The following TUSC3 variants were observed in gnomAD, a reference collection of about 807,000 sequenced individuals.
TUSC3 encodes tumor suppressor candidate 3, also known as dolichyl-diphosphooligosaccharide--protein glycosyltransferase subunit TUSC3.
TUSC3 carries 45 observed loss-of-function variants against 44.8 expected under a neutral mutation model. The ratio of observed to expected loss-of-function variants is 1.00; its 90% CI spans 0.79 to 1.29. The LOEUF is 1.29. TUSC3 is among the 50% of genes most tolerant of loss of function. TUSC3 has a pLI of 0.00. For synonymous variants in TUSC3, 212 were observed against 152.9 expected (o/e 1.39, Z -2.85); for missense variants, 519 against 437.9 (o/e 1.19, Z -1.65).
the TUSC3 span, chr8:15,806,509 G>T: frequency 4.4e-6 from 5 of 1,124,090 alleles, no homozygotes; most frequent in Non-Finnish European, 6.8e-6. Flanking sequence ...CTTTCTCAGG[G>T]TCATCAGTGA....
intron 3 of TUSC3, among the ~76,000 whole-genome samples, chr8:15,656,658 A>C (rs890003701): frequency 6.7e-6 from 1 of 149,564 alleles, no homozygotes; most frequent in African/African-American, 2.5e-5. Flanking sequence ...AGCCCACGCA[A>C]CAGCTCTCCC....
chr8:15,611,155 G>C lies in TUSC3; in HGVS notation c.139-11925G>C, dbSNP rs183619015. On this transcript the variant is annotated intron_variant, in intron 1 of 10. Transcript: ENST00000503731. ...CTTTCTTTAATTTTTATAGTGTTCT[G>C]TATCAAATATTTCAAAGAACTTTTT... Among the ~76,000 whole-genome samples the C allele has an allele frequency of 1.4e-3, 220 of 152,232 alleles. 1 individual carries two copies. Among genetic ancestry groups the C allele is most frequent in the African/African-American group, 4.9e-3 (205 of 41,548 alleles).
chr8:15,553,730 A>G lies in TUSC3; in HGVS notation c.138+13162A>G, dbSNP rs1211861935. 1.3e-5 allele frequency among the ~76,000 whole-genome samples: 2 copies of G among 151,754 alleles called. 1 individual carries two copies. Among genetic ancestry groups the G allele is most frequent in the Non-Finnish European group, 2.9e-5 (2 of 67,896 alleles). ...GGCAGCCAACACTTCTTCTCAAACA[A>G]TTTGCTGTGAATGGGAAGAGAGAGT... On this transcript the variant is annotated intron_variant, in intron 1 of 10. Transcript: ENST00000503731.
At chr8:15,821,106 T>C in the TUSC3 span, among the ~76,000 whole-genome samples, 1 of 152,298 alleles carries the variant, frequency 6.6e-6, no homozygotes, top group South Asian at 2.1e-4. Context: ...TAGTTTTCCC[T>C]CATCTTAAAA....
intron 1 of TUSC3, among the ~76,000 whole-genome samples, chr8:15,440,220 G>A (rs1477532136): frequency 6.6e-6 from 1 of 152,174 alleles, no homozygotes; most frequent in African/African-American, 2.4e-5. Context: ...CCAAAGAGAG[G>A]AGTAGAGCTG....
At chr8:15,700,500 A>G (rs886091032) in intron 6 of TUSC3, among the ~76,000 whole-genome samples, 5 of 152,156 alleles carry the variant, frequency 3.3e-5, no homozygotes, top group African/African-American at 1.2e-4. Context: ...GAAAAAAATT[A>G]AATTTCTTCA....
chr8:15,504,004 A>G (rs1585068424), intron 2 of TUSC3, among the ~76,000 whole-genome samples: 3 of 121,266 alleles, frequency 2.5e-5, no homozygotes, highest in East Asian at 4.6e-4. Flanking sequence ...ACAGAGTGAG[A>G]CTCTGTCTCA....
chr8:15,493,111 G>C (rs1313701175), intron 2 of TUSC3, among the ~76,000 whole-genome samples: 1 of 152,132 alleles, frequency 6.6e-6, no homozygotes, highest in Non-Finnish European at 1.5e-5. Context: ...CTGCAAGGTA[G>C]ATATTATTAA....
chr8:15,777,233 C>T, the TUSC3 span, among the ~76,000 whole-genome samples: 1 of 152,012 alleles, frequency 6.6e-6, no homozygotes, highest in African/African-American at 2.4e-5. Flanking sequence ...CAAAGCATAC[C>T]AATGAAAATT....
intron 2 of TUSC3, among the ~76,000 whole-genome samples, chr8:15,631,876 T>C (rs755131152): frequency 8.6e-5 from 13 of 151,936 alleles, no homozygotes; most frequent in Non-Finnish European, 1.9e-4. Flanking sequence ...TGGCTAAATT[T>C]TTTTGTATTT....
rs1585317952 is a variant in TUSC3, at chr8:15,765,908, A to T, written c.*1752A>T. 1 of 152,210 alleles carries T rather than the reference A, an allele frequency of 6.6e-6. No individual in the cohort carries two copies. Among genetic ancestry groups the T allele is most frequent in the Non-Finnish European group, 1.5e-5 (1 of 67,954 alleles). The allele number at this position is 152,210 out of a possible 1,614,324, so 9.4% of individuals were successfully genotyped here. ...AAGTATTAAACATTTGTTAATTATA[A>T]TCACTTTTGTTTGTATCCTTAAATC... On this transcript the variant is annotated 3_prime_UTR_variant, in exon 11 of 11. Coordinates refer to ENST00000503731, the MANE Select transcript of TUSC3 (RefSeq NM_006765.4).
At position 15,739,809 on chromosome 8, in the gene TUSC3, C is replaced by G. The variant is rs541595274; in HGVS notation, c.863-3729C>G. On this transcript the variant is annotated intron_variant, in intron 7 of 10. Coordinates refer to ENST00000503731, the MANE Select transcript of TUSC3 (RefSeq NM_006765.4). ...TGCTTGTTATCATTTTCATCTAATC[C>G]TGATATCATCTTACTTCATTACTTT... Among the ~76,000 whole-genome samples the G allele has an allele frequency of 3.4e-4, 52 of 152,266 alleles. No homozygotes were observed. In the Middle Eastern group the frequency reaches 0.01, roughly 30 times the overall value.
the TUSC3 span, among the ~76,000 whole-genome samples, chr8:15,850,159 A>C: frequency 6.6e-6 from 1 of 151,410 alleles, no homozygotes; most frequent in Non-Finnish European, 1.5e-5. Context: ...AACTCTCTGA[A>C]ATGTCCAGTA....
intron 1 of TUSC3, among the ~76,000 whole-genome samples, chr8:15,559,839 T>C (rs1802397287): frequency 1.0e-5 from 1 of 99,486 alleles, no homozygotes; most frequent in Non-Finnish European, 2.0e-5. Flanking sequence ...TGCCTTTTTT[T>C]GTTTTCCATT....
At chr8:15,785,718 C>T in the TUSC3 span, among the ~76,000 whole-genome samples, 5 of 152,042 alleles carry the variant, frequency 3.3e-5, no homozygotes, top group Non-Finnish European at 5.9e-5. Context: ...ATGGGCCTCA[C>T]GTGGAGCTCT....
intron 5 of TUSC3, among the ~76,000 whole-genome samples, chr8:15,669,457 A>G (rs1190505662): frequency 4.6e-5 from 7 of 151,826 alleles, no homozygotes; most frequent in Non-Finnish European, 1.0e-4. Flanking sequence ...CTGATAGGCC[A>G]GTCTTTCTCA....
At chr8:15,612,187 A>ACTG (rs1804792387) in intron 1 of TUSC3, among the ~76,000 whole-genome samples, 1 of 152,172 alleles carries the variant, frequency 6.6e-6, no homozygotes, top group African/African-American at 2.4e-5. Context: ...TGCTATTCAG[A>ACTG]TAGCAGGTAC....
At chr8:15,584,421 C>A (rs762306411) in intron 1 of TUSC3, among the ~76,000 whole-genome samples, 40 of 152,128 alleles carry the variant, frequency 2.6e-4, no homozygotes, top group Non-Finnish European at 5.3e-4. Context: ...ATTGATCATG[C>A]ATTAAATGAG....
the TUSC3 span, chr8:15,806,524 A>T: frequency 7.6e-7 from 1 of 1,322,672 alleles, no homozygotes; most frequent in South Asian, 1.2e-5. Flanking sequence ...CAGTGACTTC[A>T]AGCCTGGATC....
Sources: gnomAD v4.1 joint callset for allele counts (sites outside exome capture counted in the v4.1 genomes callset) on GRCh38, gnomAD v4.1.1 for gene constraint, MANE v1.5 for transcripts, NCBI Gene and HGNC (gene_info 2026-07-23, HGNC 2026-07-21) for gene names.